KDM6A: variants seen among roughly 807,000 people sequenced by gnomAD.
KDM6A encodes lysine-specific demethylase 6A.
Under a neutral mutation model 117.6 loss-of-function variants are expected in KDM6A, and 11 were observed. The observed-to-expected ratio is 0.09, with a 90% confidence interval of 0.06 to 0.15. The LOEUF is 0.15. Ranked by LOEUF, KDM6A falls within the 10% of genes least tolerant of loss-of-function variation. The probability of loss-of-function intolerance (pLI) is 1.00; values close to 1 mark genes in which losing one functional copy is unlikely to be tolerated. For missense variants in KDM6A, 799 were observed against 1,077.3 expected (o/e 0.74, Z 3.62); for synonymous variants, 384 against 396.1 (o/e 0.97, Z 0.36).
rs1333019400 is a variant in KDM6A, at chrX:44,933,306, C to T, written c.226-27978C>T. The stretch of plus-strand genomic sequence containing the variant: ...TTTTTGAGACGGAGTCTCACTCTGT[C>T]GCCCAGGCTGGAGTGCAGTGGCGTG... On this transcript the variant is annotated intron_variant, in intron 2 of 29. Transcript: ENST00000611820. Among the ~76,000 whole-genome samples, 227 of 72,280 alleles carry T rather than the reference C, an allele frequency of 3.1e-3. 2 individuals are homozygous for T. Among genetic ancestry groups the T allele is most frequent in the Middle Eastern group, 0.015 (1 of 67 alleles). The allele number at this position is 72,280 out of a possible 115,157, so 62.8% of individuals were successfully genotyped here. A position where few individuals can be genotyped will look rare whatever the true frequency, so the allele number is the denominator to read the frequency against.
intron 6 of KDM6A, among the ~76,000 whole-genome samples, chrX:45,022,930 G>A (rs2042228729): frequency 8.9e-6 from 1 of 112,101 alleles, no homozygotes; most frequent in East Asian, 2.8e-4. Flanking sequence ...CTAAAGGCTG[G>A]TTGCTCTGCT....
At chrX:45,044,492 TC>T (rs1226927323) in intron 8 of KDM6A, among the ~76,000 whole-genome samples, 1 of 111,747 alleles carries the variant, frequency 8.9e-6, no homozygotes, top group Non-Finnish European at 1.9e-5. Context: ...AGTATCCTCT[TC>T]CTTCCACTTC....
At chrX:44,885,778 A>G (rs1422083046) in intron 2 of KDM6A, among the ~76,000 whole-genome samples, 1 of 109,429 alleles carries the variant, frequency 9.1e-6, no homozygotes, top group Non-Finnish European at 1.9e-5. Context: ...AGGCTGAGGC[A>G]GGAGAATCGC....
At chrX:45,041,156 G>A (rs1240665267) in intron 8 of KDM6A, among the ~76,000 whole-genome samples, 2 of 81,194 alleles carry the variant, frequency 2.5e-5, no homozygotes, top group South Asian at 6.4e-4. Flanking sequence ...CGGACGGGGC[G>A]GCTGGCCGGG....
At chrX:44,995,919 A>AT (rs1414565247) in intron 4 of KDM6A, among the ~76,000 whole-genome samples, 1 of 111,926 alleles carries the variant, frequency 8.9e-6, no homozygotes, top group Non-Finnish European at 1.9e-5. Flanking sequence ...GCCAGGTAGT[A>AT]TTTTTAAGTA....
intron 4 of KDM6A, among the ~76,000 whole-genome samples, chrX:44,977,379 C>G (rs756939426): frequency 9.9e-5 from 11 of 110,808 alleles, no homozygotes; most frequent in Non-Finnish European, 1.9e-4. Flanking sequence ...CTCAGCCTCT[C>G]GAGGAGCTGG....
chrX:45,093,886 C>CT (rs963621887), intron 27 of KDM6A, among the ~76,000 whole-genome samples: 10 of 110,751 alleles, frequency 9.0e-5, no homozygotes, highest in African/African-American at 2.0e-4. Flanking sequence ...TTATACATTT[C>CT]TTTTTTTTAA....
At chrX:45,017,411 G>A (rs2042010512) in intron 5 of KDM6A, among the ~76,000 whole-genome samples, 1 of 111,463 alleles carries the variant, frequency 9.0e-6, no homozygotes, top group Non-Finnish European at 1.9e-5. Context: ...TGTAGTCTGA[G>A]TGTTACCTAT....
chrX:44,949,536 T>C (rs1202907931), intron 2 of KDM6A, among the ~76,000 whole-genome samples: 1 of 111,529 alleles, frequency 9.0e-6, no homozygotes, highest in Non-Finnish European at 1.9e-5. Context: ...GCAGTTTCTC[T>C]AGATTTAAGG....
rs186510882 is a variant in KDM6A at position 44,921,199 on chromosome X, T to G, written c.226-40085T>G. 7.1e-5 allele frequency among the ~76,000 whole-genome samples: 8 copies of G among 112,006 alleles called. No homozygotes were observed. In the East Asian group the frequency reaches 1.7e-3, roughly 23 times the overall value. ...GCTGCTTTTTAATTTTTTCAAAAACTCTTTTATTTTGAAATAGTTGTAGCT... is the reference window on the plus strand; with the variant it reads ...GCTGCTTTTTAATTTTTTCAAAAACGCTTTTATTTTGAAATAGTTGTAGCT... On this transcript the variant is annotated intron_variant, in intron 2 of 29. Coordinates refer to ENST00000611820, the MANE Select transcript of KDM6A (RefSeq NM_001291415.2).
At position 44,909,737 on chromosome X, in the gene KDM6A, G is replaced by A. The variant is rs538741369; in HGVS notation, c.225+35750G>A. ...GAGTTTATTTTTATTTCAGATGCTAGTCTAATAAAGATGGCTGCTTATTTG... is the reference window on the plus strand; with the variant it reads ...GAGTTTATTTTTATTTCAGATGCTAATCTAATAAAGATGGCTGCTTATTTG... On this transcript the variant is annotated intron_variant, in intron 2 of 29. Coordinates refer to ENST00000611820, the MANE Select transcript of KDM6A (RefSeq NM_001291415.2). Among the ~76,000 whole-genome samples, 15 of 111,960 alleles carry A rather than the reference G, an allele frequency of 1.3e-4. No homozygotes were observed. The South Asian group carries it at 4.4e-3, about 33-fold the overall frequency.
At position 45,089,973 on chromosome X, in the gene KDM6A, A is replaced by C. The variant is rs761210090; in HGVS notation, c.3892+43A>C. ...CTTTAAAAAAGTTAATTTATAAAGG[A>C]TTATATCCAATAGGACTGTTCCTTT... On this transcript the variant is annotated intron_variant, in intron 26 of 29. Transcript: ENST00000611820. The C allele has an allele frequency of 9.5e-6, 10 of 1,049,792 alleles. No homozygotes were observed. In the South Asian group the frequency reaches 2.0e-4, roughly 21 times the overall value. 86.5% of individuals were successfully genotyped at this position (1,049,792 alleles called of 1,213,427 possible). A position where few individuals can be genotyped will look rare whatever the true frequency, so the allele number is the denominator to read the frequency against.
intron 4 of KDM6A, among the ~76,000 whole-genome samples, chrX:44,989,491 G>A (rs1313747757): frequency 5.5e-5 from 6 of 109,854 alleles, no homozygotes; most frequent in Admixed American, 9.8e-5. Flanking sequence ...CTTCTGTGTC[G>A]CTCACACTGG....
Position 45,111,414 on chromosome X carries a change from T to C in KDM6A, c.*3T>C, listed in dbSNP as rs772219795. On this transcript the variant is annotated 3_prime_UTR_variant, in exon 30 of 30. Coordinates refer to ENST00000611820, the MANE Select transcript of KDM6A (RefSeq NM_001291415.2). Reference sequence around the variant, plus strand: ...CATTACCATCCGCCTCATCTTGATATTGTTCCATGGACATTAAATGAGACC... The same window carrying C: ...CATTACCATCCGCCTCATCTTGATACTGTTCCATGGACATTAAATGAGACC... The C allele has an allele frequency of 9.2e-6, 11 of 1,191,195 alleles. No homozygotes were observed. The African/African-American group carries it at 1.6e-4, about 17-fold the overall frequency.
Position 44,945,084 on chromosome X carries a change from A to G in KDM6A, c.226-16200A>G, listed in dbSNP as rs12012408. On this transcript the variant is annotated intron_variant, in intron 2 of 29. Transcript: ENST00000611820. ...TATGGAAGATATTTTTGCTGGGTAT[A>G]GAATTGTAGGTTATATGGTGTCAGT... Among the ~76,000 whole-genome samples the G allele has an allele frequency of 5.4e-3, 602 of 111,645 alleles. 5 individuals carry two copies. Among genetic ancestry groups the G allele is most frequent in the African/African-American group, 0.018 (565 of 30,714 alleles).
At chrX:45,018,095 C>T (rs780353168) in intron 5 of KDM6A, among the ~76,000 whole-genome samples, 4 of 111,176 alleles carry the variant, frequency 3.6e-5, no homozygotes, top group Non-Finnish European at 7.5e-5. Flanking sequence ...TACTGCTCAC[C>T]CATCTTAAGT....
intron 25 of KDM6A, among the ~76,000 whole-genome samples, chrX:45,089,230 T>C (rs956604663): frequency 2.7e-5 from 3 of 111,908 alleles, no homozygotes; most frequent in African/African-American, 9.7e-5. Context: ...AAGATGGTAA[T>C]GCTGGGCCGG....
chrX:44,979,927 A>G (rs771572634), intron 4 of KDM6A, among the ~76,000 whole-genome samples: 2 of 109,952 alleles, frequency 1.8e-5, no homozygotes, highest in South Asian at 7.7e-4. Flanking sequence ...CCAATATCAT[A>G]GTTTTGTTTA....
intron 21 of KDM6A, among the ~76,000 whole-genome samples, chrX:45,082,004 C>A (rs1006641761): frequency 9.1e-6 from 1 of 110,081 alleles, no homozygotes; most frequent in African/African-American, 3.3e-5. Flanking sequence ...TGGTCTTGAT[C>A]TCCTGACCTC....
Sources: allele counts gnomAD v4.1 joint callset (sites outside exome capture counted in the v4.1 genomes callset), GRCh38; gene constraint gnomAD v4.1.1; transcripts MANE v1.5; gene names NCBI Gene and HGNC (gene_info 2026-07-23, HGNC 2026-07-21).